TMEM117: variants seen among roughly 807,000 people sequenced by gnomAD.
The protein encoded by TMEM117 is transmembrane protein 117.
In TMEM117, 27 loss-of-function variants were observed where a neutral mutation model predicts 52.4. The ratio of observed to expected loss-of-function variants is 0.51; its 90% CI spans 0.38 to 0.71. The LOEUF (loss-of-function observed/expected upper bound fraction) is 0.71, where lower values mean the gene tolerates loss of function less well. Among genes scored for constraint, TMEM117 ranks in the 30% least tolerant of loss-of-function variants. The probability of loss-of-function intolerance (pLI) is 0.00; values close to 1 mark genes in which losing one functional copy is unlikely to be tolerated. For missense variants in TMEM117, 556 were observed against 630.5 expected (o/e 0.88, Z 1.26); for synonymous variants, 215 against 206.3 (o/e 1.04, Z -0.36).
At chr12:44,166,655 A>G (rs1948971750) in intron 4 of TMEM117, among the ~76,000 whole-genome samples, 1 of 152,216 alleles carries the variant, frequency 6.6e-6, no homozygotes. Flanking sequence ...TTAAATGATC[A>G]TGCTGCTACA....
At chr12:44,123,748 A>T (rs1040990491) in intron 3 of TMEM117, among the ~76,000 whole-genome samples, 3 of 152,050 alleles carry the variant, frequency 2.0e-5, no homozygotes, top group African/African-American at 7.2e-5. Flanking sequence ...CTATTCTGTT[A>T]CATTGGTATA....
intron 7 of TMEM117, among the ~76,000 whole-genome samples, chr12:44,379,122 A>G (rs1418761397): frequency 6.6e-6 from 1 of 152,002 alleles, no homozygotes; most frequent in African/African-American, 2.4e-5. Flanking sequence ...TCTCTAAAAA[A>G]AAATAGAAAG....
intron 3 of TMEM117, among the ~76,000 whole-genome samples, chr12:44,099,260 ATT>A (rs59510124): frequency 6.6e-6 from 1 of 151,788 alleles, no homozygotes; most frequent in Non-Finnish European, 1.5e-5. Flanking sequence ...TTGTTTTTTA[ATT>A]TTTTTAAAAA....
intron 3 of TMEM117, among the ~76,000 whole-genome samples, chr12:44,036,258 A>G (rs2137882910): frequency 6.6e-6 from 1 of 152,314 alleles, no homozygotes; most frequent in South Asian, 2.1e-4. Flanking sequence ...AAATATTTGT[A>G]AGTTTAAAGA....
At chr12:44,333,336 A>G (rs1951297519) in intron 6 of TMEM117, among the ~76,000 whole-genome samples, 1 of 152,064 alleles carries the variant, frequency 6.6e-6, no homozygotes, top group Non-Finnish European at 1.5e-5. Flanking sequence ...GGAGCCTGGA[A>G]TCTTGTGATA....
intron 5 of TMEM117, among the ~76,000 whole-genome samples, chr12:44,240,871 A>T (rs1950052945): frequency 6.6e-6 from 1 of 152,056 alleles, no homozygotes; most frequent in African/African-American, 2.4e-5. Flanking sequence ...GTTCCTAGAA[A>T]TTTAGCTCTT....
At chr12:44,129,408 G>T (rs1170788234) in intron 3 of TMEM117, among the ~76,000 whole-genome samples, 2 of 152,048 alleles carry the variant, frequency 1.3e-5, no homozygotes, top group Non-Finnish European at 2.9e-5. Context: ...TTCCTCCCTG[G>T]TGATCAGCTC....
chr12:44,071,884 C>T (rs930498017), intron 3 of TMEM117, among the ~76,000 whole-genome samples: 7 of 152,244 alleles, frequency 4.6e-5, no homozygotes, highest in South Asian at 4.2e-4. Context: ...GGCTCCGATC[C>T]GGAGGTTCTG....
chr12:44,336,204 C>T (rs966993771), intron 6 of TMEM117, among the ~76,000 whole-genome samples: 1 of 151,964 alleles, frequency 6.6e-6, no homozygotes, highest in Non-Finnish European at 1.5e-5. Flanking sequence ...CTAGTCCCAG[C>T]ATTTACTCAC....
intron 3 of TMEM117, among the ~76,000 whole-genome samples, chr12:44,062,829 G>A (rs1947160100): frequency 6.6e-6 from 1 of 152,204 alleles, no homozygotes; most frequent in Non-Finnish European, 1.5e-5. Context: ...TAAGTGCTAA[G>A]ACAAGAAACT....
chr12:44,045,236 C>A (rs1242310284), intron 3 of TMEM117, among the ~76,000 whole-genome samples: 1 of 152,158 alleles, frequency 6.6e-6, no homozygotes, highest in Non-Finnish European at 1.5e-5. Context: ...CTCACCAAGG[C>A]TGACCTGGTT....
intron 3 of TMEM117, among the ~76,000 whole-genome samples, chr12:43,954,807 A>C (rs1945281408): frequency 6.6e-6 from 1 of 152,218 alleles, no homozygotes; most frequent in Non-Finnish European, 1.5e-5. Context: ...CCTGATACAA[A>C]AACCTGGCAG....
chr12:44,384,840 C>T (rs765299750), intron 7 of TMEM117, among the ~76,000 whole-genome samples: 2 of 151,994 alleles, frequency 1.3e-5, no homozygotes, highest in Non-Finnish European at 2.9e-5. Flanking sequence ...GAAATAATAC[C>T]ACCCTACATT....
At chr12:44,201,836 A>G (rs1158451605) in intron 4 of TMEM117, among the ~76,000 whole-genome samples, 1 of 152,192 alleles carries the variant, frequency 6.6e-6, no homozygotes, top group African/African-American at 2.4e-5. Flanking sequence ...ACACCCAATT[A>G]TAAAGCAGAA....
intron 2 of TMEM117, among the ~76,000 whole-genome samples, chr12:43,845,716 TG>T (rs1158319269): frequency 3.4e-5 from 5 of 148,688 alleles, no homozygotes; most frequent in African/African-American, 9.8e-5. Flanking sequence ...TGACAGGGCC[TG>T]GGGTATGATG....
At chr12:43,956,445 A>G (rs1470458790) in intron 3 of TMEM117, among the ~76,000 whole-genome samples, 1 of 151,352 alleles carries the variant, frequency 6.6e-6, no homozygotes, top group East Asian at 1.9e-4. Context: ...CAAATTTACA[A>G]GGTAAAAACA....
chr12:44,032,278 G>A (rs1946645516), intron 3 of TMEM117, among the ~76,000 whole-genome samples: 1 of 152,196 alleles, frequency 6.6e-6, no homozygotes, highest in Non-Finnish European at 1.5e-5. Context: ...TTTGTCTTTA[G>A]TAAAGATGGA....
chr12:44,179,971 AG>A (rs1592584393), intron 4 of TMEM117, among the ~76,000 whole-genome samples: 1 of 152,086 alleles, frequency 6.6e-6, no homozygotes. Context: ...GCCACCCCTT[AG>A]GGCCTCAGTG....
At chr12:44,364,060 A>G (rs912081204) in intron 6 of TMEM117, among the ~76,000 whole-genome samples, 8 of 152,204 alleles carry the variant, frequency 5.3e-5, no homozygotes, top group African/African-American at 1.7e-4. Flanking sequence ...GGGGAAAAAC[A>G]TATTAATTGA....
Sources: gnomAD v4.1 joint callset for allele counts (sites outside exome capture counted in the v4.1 genomes callset) on GRCh38, gnomAD v4.1.1 for gene constraint, MANE v1.5 for transcripts, NCBI Gene and HGNC (gene_info 2026-07-23, HGNC 2026-07-21) for gene names.